RERE: variants seen among roughly 807,000 people sequenced by gnomAD.
RERE encodes arginine-glutamic acid dipeptide repeats protein.
In RERE, 40 loss-of-function variants were observed where a neutral mutation model predicts 146.1. That is an observed-to-expected ratio of 0.27 (90% CI 0.21 to 0.36). The LOEUF (loss-of-function observed/expected upper bound fraction) is 0.36. Among genes scored for constraint, RERE ranks in the 10% least tolerant of loss-of-function variants. RERE has a pLI of 1.00. For missense variants in RERE, 1,933 were observed against 2,138.7 expected (o/e 0.90, Z 1.90); for synonymous variants, 1,003 against 866.0 (o/e 1.16, Z -2.78).
intron 7 of RERE, among the ~76,000 whole-genome samples, chr1:8,531,624 T>C (rs984506585): frequency 3.9e-5 from 6 of 152,248 alleles, no homozygotes; most frequent in African/African-American, 1.4e-4. Context: ...AATCCTGCTA[T>C]TGTTTCTGGT....
intron 12 of RERE, 82 bp from the exon 13 acceptor site, chr1:8,366,056 C>G: frequency 1.4e-6 from 2 of 1,408,686 alleles, no homozygotes; most frequent in Non-Finnish European, 2.0e-6. Flanking sequence ...CAGTGGAAAG[C>G]TGGGTGTTTA....
chr1:8,572,770 A>T (rs1260643795), intron 4 of RERE, among the ~76,000 whole-genome samples: 1 of 152,192 alleles, frequency 6.6e-6, no homozygotes, highest in Non-Finnish European at 1.5e-5. Flanking sequence ...CTCTCCTCTA[A>T]AATGTCCAAT....
chr1:8,392,763 T>G (rs1253438368), intron 12 of RERE, among the ~76,000 whole-genome samples: 2 of 152,128 alleles, frequency 1.3e-5, no homozygotes, highest in African/African-American at 4.8e-5. Flanking sequence ...AACATTTCTA[T>G]CAAGTGGGCC....
chr1:8,641,626 T>C (rs895254537), intron 2 of RERE, among the ~76,000 whole-genome samples: 1 of 152,300 alleles, frequency 6.6e-6, no homozygotes, highest in East Asian at 1.9e-4. Context: ...CTCCACACAC[T>C]ACTGAATTAA....
intron 1 of RERE, among the ~76,000 whole-genome samples, chr1:8,808,180 G>T (rs997597538): frequency 6.8e-6 from 1 of 147,746 alleles, no homozygotes; most frequent in Non-Finnish European, 1.5e-5. Flanking sequence ...ACCTCCTTCA[G>T]GAAGCTAAGC....
At chr1:8,567,224 T>G (rs1344679807) in intron 4 of RERE, among the ~76,000 whole-genome samples, 1 of 152,164 alleles carries the variant, frequency 6.6e-6, no homozygotes, top group Non-Finnish European at 1.5e-5. Context: ...TTTCAAAACC[T>G]ATGAGTGGTA....
At position 8,479,641 on chromosome 1, in the gene RERE, C is replaced by A. The variant is rs114543845; in HGVS notation, c.1105-13618G>T. ...TGAGCAGAGAAAGATGGGGCCACAG[C>A]CAAAATGTGCAAACAGCCACCAGTA... On this transcript the variant is annotated intron_variant, in intron 10 of 22. Transcript: ENST00000400908. 8.7e-3 allele frequency among the ~76,000 whole-genome samples: 1,317 copies of A among 152,182 alleles called. 20 individuals are homozygous for A. The highest frequency in any genetic ancestry group is 0.03 in the African/African-American group (1,242 of 41,526).
intron 12 of RERE, among the ~76,000 whole-genome samples, chr1:8,386,020 A>ATT (rs1557603339): frequency 9.5e-4 from 35 of 36,692 alleles, no homozygotes; most frequent in Non-Finnish European, 1.3e-3. Context: ...ATATATATAT[A>ATT]TATTTTTTTT....
chr1:8,575,646 C>T (rs1269368317), intron 4 of RERE, among the ~76,000 whole-genome samples: 6 of 150,298 alleles, frequency 4.0e-5, no homozygotes, highest in Admixed American at 3.3e-4. Context: ...CCCCCAACCT[C>T]GGCCTCCAAA....
intron 1 of RERE, among the ~76,000 whole-genome samples, chr1:8,775,841 TTAC>T (rs1161909288): frequency 3.9e-5 from 6 of 152,226 alleles, no homozygotes; most frequent in Non-Finnish European, 8.8e-5. Flanking sequence ...GAGGTAGGTA[TTAC>T]TACTATCTCC....
chr1:8,482,566 C>T (rs1470011507), intron 10 of RERE, among the ~76,000 whole-genome samples: 1 of 151,420 alleles, frequency 6.6e-6, no homozygotes, highest in African/African-American at 2.4e-5. Context: ...CCTGTAGTCC[C>T]AGCTACTTGG....
intron 7 of RERE, among the ~76,000 whole-genome samples, chr1:8,515,939 G>A (rs745828950): frequency 1.3e-5 from 2 of 150,838 alleles, no homozygotes; most frequent in Admixed American, 6.6e-5. Context: ...GGTGTAGGCC[G>A]GGTGCGGTGG....
At chr1:8,379,030 T>C (rs1010011230) in intron 12 of RERE, among the ~76,000 whole-genome samples, 1 of 152,124 alleles carries the variant, frequency 6.6e-6, no homozygotes, top group Non-Finnish European at 1.5e-5. Flanking sequence ...AAAGGGCAAA[T>C]GCCACACAGT....
intron 8 of RERE, among the ~76,000 whole-genome samples, chr1:8,498,695 CA>C (rs1203388426): frequency 4.3e-4 from 42 of 96,878 alleles, no homozygotes; most frequent in Non-Finnish European, 6.7e-4. Flanking sequence ...GACTCCATCT[CA>C]AAAAAAAAAA....
At chr1:8,372,925 G>A (rs1157678392) in intron 12 of RERE, among the ~76,000 whole-genome samples, 4 of 152,256 alleles carry the variant, frequency 2.6e-5, no homozygotes, top group African/African-American at 9.6e-5. Flanking sequence ...CTAAAAAGGA[G>A]GGGGCAGTCG....
intron 12 of RERE, among the ~76,000 whole-genome samples, chr1:8,372,128 T>C (rs1312305128): frequency 1.3e-5 from 2 of 152,098 alleles, no homozygotes; most frequent in Non-Finnish European, 2.9e-5. Flanking sequence ...GTAGAAGAGA[T>C]TGTTGAAGAA....
chr1:8,355,378 C>A (rs759047523), intron 22 of RERE, 41 bp downstream of exon 22: 11 of 1,598,404 alleles, frequency 6.9e-6, no homozygotes, highest in Non-Finnish European at 6.8e-6. Context: ...GGAGCCTGGG[C>A]TCAGATAACC....
chr1:8,647,420 T>C (rs1002644194), intron 2 of RERE, among the ~76,000 whole-genome samples: 1 of 151,880 alleles, frequency 6.6e-6, no homozygotes, highest in Non-Finnish European at 1.5e-5. Flanking sequence ...ATTTGTCACA[T>C]GTCGGAAAAA....
chr1:8,428,857 TC>T (rs1231972672), intron 11 of RERE, among the ~76,000 whole-genome samples: 1 of 152,142 alleles, frequency 6.6e-6, no homozygotes, highest in Non-Finnish European at 1.5e-5. Flanking sequence ...GTTCAAAAGT[TC>T]CTCATGCTAT....
Sources: allele counts gnomAD v4.1 joint callset (sites outside exome capture counted in the v4.1 genomes callset), GRCh38; gene constraint gnomAD v4.1.1; transcripts MANE v1.5; gene names NCBI Gene and HGNC (gene_info 2026-07-23, HGNC 2026-07-21).